CFAP99: variants seen among roughly 807,000 people sequenced by gnomAD.
The protein encoded by CFAP99 is cilia- and flagella-associated protein 99.
Under a neutral mutation model 82.7 loss-of-function variants are expected in CFAP99, and 84 were observed. The ratio of observed to expected loss-of-function variants is 1.02; its 90% CI spans 0.85 to 1.22. The LOEUF is 1.22. Ranked by LOEUF, CFAP99 falls within the 50% of genes most tolerant of loss-of-function variation. The pLI is 0.00. For missense variants in CFAP99, 1,059 were observed against 983.5 expected (o/e 1.08, Z -1.03); for synonymous variants, 456 against 429.5 (o/e 1.06, Z -0.76).
At chr4:2,438,276 G>C (rs1361616639) in intron 4 of CFAP99, 112 bp downstream of exon 4, 1 of 707,798 alleles carries the variant, frequency 1.4e-6, no homozygotes, top group Admixed American at 2.1e-5. Flanking sequence ...TTGTTTGTTT[G>C]TTTTGAGACG....
rs576670282 is a variant in CFAP99, at chr4:2,456,947, A to G, written c.1162-1776A>G. On this transcript the variant is annotated intron_variant, in intron 11 of 14. Transcript: ENST00000635017. ...GATGTCATGGGTAATCATTCTTTGA[A>G]TACTTTTTTTTTTTTTTTTTTTTGA... 2.8e-5 allele frequency among the ~76,000 whole-genome samples: 4 copies of G among 141,822 alleles called. No homozygotes were observed. In the South Asian group the frequency reaches 9.1e-4, roughly 32 times the overall value. 93.0% of individuals were successfully genotyped at this position (141,822 alleles called of 152,430 possible).
intron 11 of CFAP99, 51 bp from the exon 12 acceptor site, chr4:2,458,672 A>C (rs1578483652): frequency 6.7e-7 from 1 of 1,503,114 alleles, no homozygotes; most frequent in South Asian, 1.3e-5. Flanking sequence ...GGGACCAGGC[A>C]GGGAAGCCGG....
At chr4:2,421,256 G>A (rs1330122936) in intron 1 of CFAP99, among the ~76,000 whole-genome samples, 2 of 149,336 alleles carry the variant, frequency 1.3e-5, no homozygotes, top group East Asian at 4.0e-4. Flanking sequence ...GTGTTGAGCT[G>A]TTTTGTGTCT....
At chr4:2,423,120 GC>G (rs998580106) in intron 1 of CFAP99, among the ~76,000 whole-genome samples, 2 of 152,214 alleles carry the variant, frequency 1.3e-5, no homozygotes, top group African/African-American at 4.8e-5. Flanking sequence ...TCTCAGCAAT[GC>G]CTGGAGTGAA....
Position 2,448,311 on chromosome 4 carries a change from C to A in CFAP99, c.643-1359C>A, listed in dbSNP as rs1325058584. ...CAAGCACAGCCCCTGCCTGGGCCCT[C>A]ACCATGTCCTCCCATGCTCTATAGC... On this transcript the variant is annotated intron_variant, in intron 6 of 14. Coordinates refer to ENST00000635017, the Ensembl canonical transcript of CFAP99. The surrounding 1 kb of genome is among the most constrained non-coding windows in gnomAD (Gnocchi z 5.2). Among the ~76,000 whole-genome samples, 1 of 152,220 alleles carries A rather than the reference C, an allele frequency of 6.6e-6. No individual in the cohort carries two copies. The highest frequency in any genetic ancestry group is 1.5e-5 in the Non-Finnish European group (1 of 68,044).
At chr4:2,439,565 G>A (rs1733989712) in intron 4 of CFAP99, among the ~76,000 whole-genome samples, 1 of 152,210 alleles carries the variant, frequency 6.6e-6, no homozygotes, top group African/African-American at 2.4e-5. Flanking sequence ...GTGAAGGGAG[G>A]GAGAGTGCAG....
In CFAP99 at chr4:2,462,685, C is replaced by T. The variant is rs1734654686; in HGVS notation, c.1904C>T (p.Thr635Ile). Residue 635 changes from threonine (T) to isoleucine (I), a missense_variant, in exon 15 of 15, where the codon ACC (threonine) becomes ATC (isoleucine). Coordinates refer to ENST00000635017, the Ensembl canonical transcript of CFAP99. The surrounding 1 kb of genome is among the most constrained non-coding windows in gnomAD (Gnocchi z 4.1). ...GGATGGCGGGCGCGGCGCGCAGGGA[C>T]CGGCGTCCCGGGGCGGGGATGGCGG... 3 of 1,258,190 alleles carry T rather than the reference C, an allele frequency of 2.4e-6. No homozygotes were observed. The highest frequency in any genetic ancestry group is 4.3e-5 in the Admixed American group (1 of 23,144). The allele number at this position is 1,258,190 out of a possible 1,614,324, so 77.9% of individuals were successfully genotyped here.
chr4:2,459,372 G>GAAACCTGGCCCGCCACCCTCC, intron 13 of CFAP99, 114 bp downstream of exon 13: 1 of 1,264,494 alleles, frequency 7.9e-7, no homozygotes, highest in Non-Finnish European at 1.1e-6. Context: ...TGCACCACCT[G>GAAACCTGGCCCGCCACCCTCC]AAACCTGGCC....
chr4:2,460,302 C>T, intron 14 of CFAP99, 60 bp downstream of exon 14: 5 of 1,455,038 alleles, frequency 3.4e-6, no homozygotes, highest in Middle Eastern at 1.9e-4. Flanking sequence ...TGTAAGCCTG[C>T]CTTGCACCCT....
rs1734654631 is a variant in CFAP99, at chr4:2,462,684, A to C, written c.1903A>C (p.Thr635Pro). Reference sequence around the variant, plus strand: ...GGGATGGCGGGCGCGGCGCGCAGGGACCGGCGTCCCGGGGCGGGGATGGCG... The same window carrying C: ...GGGATGGCGGGCGCGGCGCGCAGGGCCCGGCGTCCCGGGGCGGGGATGGCG... The change falls in exon 15 of 15, where the codon ACC becomes CCC. Residue 635 changes from threonine to proline, a missense_variant. Thr to Pro is a conservative substitution (Grantham distance 38). Coordinates refer to ENST00000635017, the Ensembl canonical transcript of CFAP99. This position sits in a 1 kb window ranked among gnomAD's most constrained non-coding sequence, Gnocchi z 4.1. 7.9e-7 allele frequency: 1 copy of C among 1,257,900 alleles called. No homozygotes were observed. The highest frequency in any genetic ancestry group is 1.6e-5 in the African/African-American group (1 of 63,606). 77.9% of individuals were successfully genotyped at this position (1,257,900 alleles called of 1,614,324 possible).
intron 2 of CFAP99, among the ~76,000 whole-genome samples, chr4:2,429,549 C>T (rs1246016476): frequency 6.6e-6 from 1 of 151,896 alleles, no homozygotes; most frequent in Admixed American, 6.6e-5. Context: ...GGCAAGCAGG[C>T]TTGTTCCTCA....
chr4:2,462,279 G>A lies in CFAP99; in HGVS notation c.1662-164G>A, dbSNP rs908769540. 1 of 593,432 alleles carries A rather than the reference G, an allele frequency of 1.7e-6. No homozygotes were observed. The highest frequency in any genetic ancestry group is 4.3e-5 in the Admixed American group (1 of 23,060). 36.8% of individuals were successfully genotyped at this position (593,432 alleles called of 1,614,324 possible). ...CCCTGAGCGGTGGTACTGTCTAGGA[G>A]CGCGCCGCGGCCCCTGGGCCTCGCT... On this transcript the variant is annotated intron_variant, in intron 14 of 14. Coordinates refer to ENST00000635017, the Ensembl canonical transcript of CFAP99. This position sits in a 1 kb window ranked among gnomAD's most constrained non-coding sequence, Gnocchi z 4.1.
intron 2 of CFAP99, chr4:2,428,182 A>G (rs1733724250): frequency 6.6e-6 from 1 of 152,468 alleles, no homozygotes; most frequent in Admixed American, 6.5e-5. Flanking sequence ...TTGCACGTCC[A>G]AAACAGACAA....
exon 3 of CFAP99, chr4:2,436,884 C>T: frequency 6.5e-7 from 1 of 1,536,028 alleles, no homozygotes. Flanking sequence ...GCTCTGAGCC[C>T]CCAGAAGCAG....
Position 2,462,714 on chromosome 4 carries a change from G to C in CFAP99, c.1933G>C (p.Asp645His). The C allele has an allele frequency of 3.2e-6, 4 of 1,249,992 alleles. No homozygotes were observed. In the South Asian group the frequency reaches 1.1e-4, roughly 35 times the overall value. 77.4% of individuals were successfully genotyped at this position (1,249,992 alleles called of 1,614,324 possible). The change falls in exon 15 of 15, where the codon GAT (aspartate) becomes CAT (histidine). Residue 645 changes from aspartate to histidine, a missense_variant. By Grantham distance (81) the Asp-to-His change is moderately conservative. Coordinates refer to ENST00000635017, the Ensembl canonical transcript of CFAP99. This position sits in a 1 kb window ranked among gnomAD's most constrained non-coding sequence, Gnocchi z 4.1. ...CGTCCCGGGGCGGGGATGGCGGGGA[G>C]ATCGGGTCCGGTCCGCGGCCGGGAG...
chr4:2,424,972 G>T lies in CFAP99; in HGVS notation c.-17-1487G>T, dbSNP rs572133306. 1.2e-3 allele frequency among the ~76,000 whole-genome samples: 181 copies of T among 152,278 alleles called. 1 individual carries two copies. Among genetic ancestry groups the T allele is most frequent in the African/African-American group, 4.1e-3 (172 of 41,526 alleles). On this transcript the variant is annotated intron_variant, in intron 1 of 14. Transcript: ENST00000635017. ...TGGAACTCCTGTTAATTGGGGTTTG[G>T]ACCTTCAGGAATCGTTCCCTGATTT...
chr4:2,435,616 A>C (rs1733890536), intron 2 of CFAP99, among the ~76,000 whole-genome samples: 2 of 152,196 alleles, frequency 1.3e-5, no homozygotes, highest in South Asian at 4.1e-4. Flanking sequence ...TTCACAGAAA[A>C]ATACAAGTGT....
At chr4:2,459,668 G>A (rs956611449) in intron 13 of CFAP99, among the ~76,000 whole-genome samples, 5 of 152,234 alleles carry the variant, frequency 3.3e-5, no homozygotes, top group Non-Finnish European at 4.4e-5. Context: ...AAGGCATGAT[G>A]AGGGGCCAGG....
intron 2 of CFAP99, 25 bp from the exon 3 acceptor site, chr4:2,436,849 C>T (rs977795547): frequency 1.2e-5 from 18 of 1,534,758 alleles, no homozygotes; most frequent in Non-Finnish European, 1.4e-5. Context: ...CAGCCAGGGC[C>T]CCCCACCGGC....
Sources: allele counts gnomAD v4.1 joint callset (sites outside exome capture counted in the v4.1 genomes callset), GRCh38; gene constraint gnomAD v4.1.1; non-coding constraint Gnocchi (gnomAD v3.1); transcripts MANE v1.5; gene names NCBI Gene and HGNC (gene_info 2026-07-23, HGNC 2026-07-21).